Variants in RBM19 observed in about 807,000 individuals in gnomAD.
RBM19 encodes probable RNA-binding protein 19.
RBM19 carries 94 observed loss-of-function variants against 116.8 expected under a neutral mutation model. The observed-to-expected ratio is 0.80, with a 90% CI of 0.68 to 0.95. RBM19 has a LOEUF of 0.95. RBM19 is among the 40% of genes least tolerant of loss of function. RBM19 has a pLI of 0.00. For synonymous variants in RBM19, 475 were observed against 494.1 expected (o/e 0.96, Z 0.51); for missense variants, 1,161 against 1,220.7 (o/e 0.95, Z 0.73).
intron 14 of RBM19, among the ~76,000 whole-genome samples, chr12:113,941,317 G>A (rs1031963577): frequency 6.6e-6 from 1 of 152,032 alleles, no homozygotes; most frequent in Non-Finnish European, 1.5e-5. Flanking sequence ...TAGAGAGACA[G>A]ACTCTGGGGC....
rs539845180 is a variant in RBM19 at position 113,833,169 on chromosome 12, G to A, written c.2786-9848C>T. Among the ~76,000 whole-genome samples, 10 of 152,240 alleles carry A rather than the reference G, an allele frequency of 6.6e-5. No individual in the cohort carries two copies. In the South Asian group the frequency reaches 1.2e-3, roughly 19 times the overall value. On this transcript the variant is annotated intron_variant, in intron 23 of 23. Coordinates refer to ENST00000261741, the MANE Select transcript of RBM19 (RefSeq NM_016196.4). ...CCACCTGTCCTTCCCAGCTTCCTGG[G>A]CCTCTGCTCACCATGCAGCACCACC...
rs1037042439 is a variant in RBM19, at chr12:113,822,856, C to G, written c.*368G>C. On this transcript the variant is annotated 3_prime_UTR_variant, in exon 24 of 24. Coordinates refer to ENST00000261741, the MANE Select transcript of RBM19 (RefSeq NM_016196.4). ...AAGCAGCCTGATGCCAGAGAGCTGG[C>G]CCTCGTCCCCTTACTCTCCTGGGGT... 5.7e-6 allele frequency: 1 copy of G among 175,986 alleles called. No homozygotes were observed. Among genetic ancestry groups the G allele is most frequent in the African/African-American group, 2.4e-5 (1 of 42,172 alleles). 10.9% of individuals were successfully genotyped at this position (175,986 alleles called of 1,614,324 possible). A position where few individuals can be genotyped will look rare whatever the true frequency, so the allele number is the denominator to read the frequency against.
chr12:113,947,650 T>C (rs1871146300), intron 10 of RBM19, among the ~76,000 whole-genome samples, 186 bp from the exon 11 acceptor site: 1 of 152,182 alleles, frequency 6.6e-6, no homozygotes, highest in Non-Finnish European at 1.5e-5. Context: ...CTATTACACA[T>C]GAAGCTTGCC....
At chr12:113,851,261 C>T (rs1254648246) in intron 22 of RBM19, among the ~76,000 whole-genome samples, 2 of 152,320 alleles carry the variant, frequency 1.3e-5, no homozygotes, top group East Asian at 1.9e-4. Flanking sequence ...GCTGTCTGAA[C>T]TCTTCAGACA....
chr12:113,922,853 G>C (rs141568640), intron 18 of RBM19, among the ~76,000 whole-genome samples: 16 of 152,182 alleles, frequency 1.1e-4, no homozygotes, highest in Admixed American at 2.6e-4. Context: ...GAGGTCACAG[G>C]CCAGGCGCGG....
intron 21 of RBM19, among the ~76,000 whole-genome samples, chr12:113,885,395 G>A (rs1267617342): frequency 6.6e-6 from 1 of 152,128 alleles, no homozygotes; most frequent in African/African-American, 2.4e-5. Context: ...AAGCAATACA[G>A]GGTAACATTT....
At chr12:113,835,386 G>A (rs1875786612) in intron 23 of RBM19, among the ~76,000 whole-genome samples, 1 of 152,178 alleles carries the variant, frequency 6.6e-6, no homozygotes, top group Non-Finnish European at 1.5e-5. Context: ...AGTGTCACAC[G>A]GAGAAGGATC....
intron 21 of RBM19, among the ~76,000 whole-genome samples, chr12:113,870,086 A>G (rs1879110174): frequency 6.6e-6 from 1 of 152,198 alleles, no homozygotes; most frequent in South Asian, 2.1e-4. Flanking sequence ...TGAGGGTGGA[A>G]ACCAAGTTAG....
intron 21 of RBM19, among the ~76,000 whole-genome samples, chr12:113,911,505 A>C (rs1172234796): frequency 1.3e-5 from 2 of 152,068 alleles, no homozygotes. Flanking sequence ...CCCTGGGTTC[A>C]AATCCTGGCT....
intron 22 of RBM19, among the ~76,000 whole-genome samples, chr12:113,851,603 T>C (rs1040097806): frequency 6.6e-6 from 1 of 152,120 alleles, no homozygotes; most frequent in Non-Finnish European, 1.5e-5. Flanking sequence ...AACTGCAAAA[T>C]GGGGGTGCTT....
At chr12:113,902,519 A>C (rs955568785) in intron 21 of RBM19, among the ~76,000 whole-genome samples, 1 of 149,260 alleles carries the variant, frequency 6.7e-6, no homozygotes, top group African/African-American at 2.5e-5. Context: ...GGATCCCTTG[A>C]GCCCAGGAGT....
At chr12:113,891,106 A>T (rs1292274022) in intron 21 of RBM19, among the ~76,000 whole-genome samples, 1 of 151,810 alleles carries the variant, frequency 6.6e-6, no homozygotes, top group Admixed American at 6.6e-5. Context: ...CCTGGCCTTG[A>T]TGGAATATTT....
chr12:113,907,278 C>T (rs555662159), intron 21 of RBM19, among the ~76,000 whole-genome samples: 1 of 152,176 alleles, frequency 6.6e-6, no homozygotes, highest in African/African-American at 2.4e-5. Context: ...GTTTACTGCC[C>T]CTACTGCCAA....
intron 18 of RBM19, among the ~76,000 whole-genome samples, chr12:113,922,396 G>A (rs973071135): frequency 6.6e-6 from 1 of 152,096 alleles, no homozygotes; most frequent in African/African-American, 2.4e-5. Flanking sequence ...TCAAATACAG[G>A]CCCTTGAAAA....
At chr12:113,916,901 A>G (rs956273138) in intron 20 of RBM19, among the ~76,000 whole-genome samples, 1 of 152,224 alleles carries the variant, frequency 6.6e-6, no homozygotes, top group Admixed American at 6.5e-5. Context: ...ACTATGAGAT[A>G]ATGTTTTCTT....
At chr12:113,910,661 G>C (rs1882369868) in intron 21 of RBM19, among the ~76,000 whole-genome samples, 1 of 152,206 alleles carries the variant, frequency 6.6e-6, no homozygotes, top group African/African-American at 2.4e-5. Flanking sequence ...ATAGAAGGCA[G>C]GTTTAACAAC....
chr12:113,840,005 A>G (rs2135710363), intron 23 of RBM19, among the ~76,000 whole-genome samples: 1 of 152,238 alleles, frequency 6.6e-6, no homozygotes, highest in South Asian at 2.1e-4. Context: ...ACACAAACGC[A>G]ATTACCAGGC....
chr12:113,828,099 CA>C (rs34234377), intron 23 of RBM19, among the ~76,000 whole-genome samples: 1,780 of 67,312 alleles, frequency 0.026, 15 homozygotes, highest in African/African-American at 0.091. Context: ...GACTCTGTCT[CA>C]AAAAAAAAAA....
chr12:113,916,687 C>T lies in RBM19; in HGVS notation c.2442-1602G>A, dbSNP rs1044529834. 1.6e-4 allele frequency among the ~76,000 whole-genome samples: 24 copies of T among 152,314 alleles called. 1 individual carries two copies. The highest frequency in any genetic ancestry group is 8.5e-4 in the Admixed American group (13 of 15,300). ...CTGCCATGCCATGGGGACACTCAAG[C>T]GGTCCCAGAAAGAGATCCCCAAGGT... is the stretch of plus-strand genomic sequence containing the variant. On this transcript the variant is annotated intron_variant, in intron 20 of 23. Transcript: ENST00000261741.
Sources: allele counts gnomAD v4.1 joint callset (sites outside exome capture counted in the v4.1 genomes callset), GRCh38; gene constraint gnomAD v4.1.1; transcripts MANE v1.5; gene names NCBI Gene and HGNC (gene_info 2026-07-23, HGNC 2026-07-21).